NAV1: variants seen among roughly 807,000 people sequenced by gnomAD.
The protein encoded by NAV1 is neuron navigator 1, also known as pore membrane and/or filament interacting like protein 3.
A neutral mutation model predicts 175.2 loss-of-function variants in NAV1; 18 were observed. The observed-to-expected ratio is 0.10, with a 90% confidence interval of 0.07 to 0.15. NAV1 has a LOEUF of 0.15. Ranked by LOEUF, NAV1 falls within the 10% of genes least tolerant of loss-of-function variation. NAV1 has a pLI of 1.00. For synonymous variants in NAV1, 897 were observed against 978.7 expected (o/e 0.92, Z 1.56); for missense variants, 1,731 against 2,436.6 (o/e 0.71, Z 6.10).
rs1454142010 is a variant in NAV1, at chr1:201,601,347, G to A, written c.-33+12698G>A. 2.6e-5 allele frequency among the ~76,000 whole-genome samples: 4 copies of A among 152,192 alleles called. No individual in the cohort carries two copies. The East Asian group carries it at 7.7e-4, about 29-fold the overall frequency. On this transcript the variant is annotated intron_variant, in intron 2 of 33. Coordinates refer to the NAV1 transcript ENST00000685211. The stretch of plus-strand genomic sequence containing the variant: ...ACACACAAAAAATTAGCTGGGCTTG[G>A]TGGCATGCACCTGTAGTCCCAGTTA...
chr1:201,648,120 C>A (rs1669037500), upstream of NAV1: 2 of 392,890 alleles, frequency 5.1e-6, no homozygotes, highest in Non-Finnish European at 6.9e-6. Context: ...CACACTCGCT[C>A]CCCTCCTCCT....
intron 2 of NAV1, among the ~76,000 whole-genome samples, chr1:201,642,557 T>TTCCTTCCTTCCTTCCTTCCTCTTTC (rs1668819760): frequency 6.6e-5 from 7 of 106,018 alleles, no homozygotes; most frequent in African/African-American, 3.0e-4. Flanking sequence ...TTCTTTCTTT[T>TTCCTTCCTTCCTTCCTTCCTCTTTC]TTCCCTTTCT....
At chr1:201,743,015 A>C (rs2102563157) in intron 3 of NAV1, among the ~76,000 whole-genome samples, 1 of 152,288 alleles carries the variant, frequency 6.6e-6, no homozygotes, top group South Asian at 2.1e-4. Context: ...AGCCATACTA[A>C]GTGCTTTGTA....
rs150171133 is a variant in NAV1 at position 201,695,192 on chromosome 1, G to A, written c.758-17625G>A. Among the ~76,000 whole-genome samples, 725 of 152,366 alleles carry A rather than the reference G, an allele frequency of 4.8e-3. 6 individuals are homozygous for A. Among genetic ancestry groups the A allele is most frequent in the African/African-American group, 0.017 (694 of 41,590 alleles). On this transcript the variant is annotated intron_variant, in intron 1 of 29. Coordinates refer to ENST00000367296, the Ensembl canonical transcript of NAV1. ...ATGGGCTCAGGGCAAAAGGTGAACA[G>A]CAAATGCCATCAGGCTTTTCCCTGT...
chr1:201,729,403 G>C (rs1348359191), intron 3 of NAV1, among the ~76,000 whole-genome samples: 1 of 152,210 alleles, frequency 6.6e-6, no homozygotes, highest in Non-Finnish European at 1.5e-5. Flanking sequence ...CCAACACTTT[G>C]GGAGGCCAAG....
chr1:201,811,496 G>T (rs1307184688), intron 24 of NAV1, 107 bp from the exon 29 acceptor site: 1 of 1,354,164 alleles, frequency 7.4e-7, no homozygotes, highest in Non-Finnish European at 1.0e-6. Flanking sequence ...GGAACTAAAG[G>T]CCCCAGGGGA....
intron 2 of NAV1, among the ~76,000 whole-genome samples, chr1:201,600,985 A>G (rs1667495436): frequency 6.6e-6 from 1 of 152,128 alleles, no homozygotes; most frequent in Non-Finnish European, 1.5e-5. Flanking sequence ...AAGCTCTTGG[A>G]TACTCCAGGT....
intron 3 of NAV1, among the ~76,000 whole-genome samples, chr1:201,753,999 T>C (rs1674298327): frequency 6.6e-6 from 1 of 152,222 alleles, no homozygotes; most frequent in Non-Finnish European, 1.5e-5. Context: ...ATCTGGGAAC[T>C]TGCAATGGGA....
chr1:201,598,875 G>A (rs192008429), intron 2 of NAV1, among the ~76,000 whole-genome samples: 38 of 152,290 alleles, frequency 2.5e-4, no homozygotes, highest in African/African-American at 7.5e-4. Flanking sequence ...ATTGTTTTCT[G>A]TGGCTTACCC....
intron 1 of NAV1, among the ~76,000 whole-genome samples, chr1:201,696,520 G>A (rs779452573): frequency 2.6e-5 from 4 of 152,210 alleles, no homozygotes; most frequent in Non-Finnish European, 5.9e-5. Flanking sequence ...CTGGCTGGCA[G>A]CCCGATGTCT....
chr1:201,636,221 G>A (rs1250528107), intron 2 of NAV1, among the ~76,000 whole-genome samples: 4 of 152,214 alleles, frequency 2.6e-5, no homozygotes, highest in African/African-American at 9.6e-5. Context: ...CTGGCTCCAT[G>A]CCAGTCTTGG....
chr1:201,695,141 A>G (rs1558073809), intron 1 of NAV1, among the ~76,000 whole-genome samples: 1 of 152,178 alleles, frequency 6.6e-6, no homozygotes, highest in Non-Finnish European at 1.5e-5. Flanking sequence ...AGCCTCTTCC[A>G]TGCTCAGGCC....
intron 3 of NAV1, among the ~76,000 whole-genome samples, chr1:201,741,631 A>T (rs1266558597): frequency 6.6e-6 from 1 of 152,190 alleles, no homozygotes; most frequent in East Asian, 1.9e-4. Flanking sequence ...CAATATTTGC[A>T]CTGCCTCTAC....
At chr1:201,658,701 C>T (rs1669497609) in intron 1 of NAV1, among the ~76,000 whole-genome samples, 1 of 152,100 alleles carries the variant, frequency 6.6e-6, no homozygotes, top group Non-Finnish European at 1.5e-5. Flanking sequence ...CCAAAGGATC[C>T]CCAAAAGAGT....
At chr1:201,631,609 A>T (rs892269374) in intron 2 of NAV1, among the ~76,000 whole-genome samples, 3 of 152,210 alleles carry the variant, frequency 2.0e-5, no homozygotes, top group Non-Finnish European at 4.4e-5. Context: ...GTGCCCAGTG[A>T]CCTGCCCCTA....
Position 201,788,629 on chromosome 1 carries a change from A to T in NAV1, c.3157A>T (p.Thr1053Ser). 6.2e-7 allele frequency: 1 copy of T among 1,611,698 alleles called. No individual in the cohort carries two copies. Among genetic ancestry groups the T allele is most frequent in the Non-Finnish European group, 8.5e-7 (1 of 1,178,628 alleles). Residue 1053 changes from threonine to serine, a missense_variant, in exon 10 of 30, where the codon ACG becomes TCG. Around this residue, in one of 13 missense-constraint regions of NAV1, gnomAD observed 85 missense variants for 168.7 expected, o/e 0.50. Transcript: ENST00000367296. This position sits in a 1 kb window ranked among gnomAD's most constrained non-coding sequence, Gnocchi z 5.7. Reference sequence around the variant, plus strand: ...TCGGTCAGGATCCTTCCGAGACCCCACGGACGATGGTGAGACTTCATGCTA... The same window carrying T: ...TCGGTCAGGATCCTTCCGAGACCCCTCGGACGATGGTGAGACTTCATGCTA...
chr1:201,774,675 T>C (rs1025325517), intron 3 of NAV1, among the ~76,000 whole-genome samples: 1 of 152,332 alleles, frequency 6.6e-6, no homozygotes, highest in Non-Finnish European at 1.5e-5. Flanking sequence ...AATTTGACTT[T>C]GGAACTCCAA....
At chr1:201,792,000 A>G (rs1291971961) in intron 13 of NAV1, 1 of 152,170 alleles carries the variant, frequency 6.6e-6, no homozygotes, top group Non-Finnish European at 1.5e-5. Context: ...AGGGAGGCAG[A>G]GAACATTATT....
At chr1:201,819,954 C>T (rs1679292335) in exon 30 of NAV1, 4 of 1,608,486 alleles carry the variant, frequency 2.5e-6, no homozygotes, top group Non-Finnish European at 3.4e-6. Context: ...TCACTGTCAC[C>T]CCCGGACAGC....
Sources: gnomAD v4.1 joint callset for allele counts (sites outside exome capture counted in the v4.1 genomes callset) on GRCh38, gnomAD v4.1.1 for gene constraint, gnomAD v4.1.1 regional missense constraint, Gnocchi (gnomAD v3.1) non-coding constraint, MANE v1.5 for transcripts, NCBI Gene and HGNC (gene_info 2026-07-23, HGNC 2026-07-21) for gene names.